Variants in ZNF808 observed in about 807,000 individuals in gnomAD.
ZNF808 encodes the protein zinc finger protein 808.
A neutral mutation model predicts 8.7 loss-of-function variants in ZNF808; 5 were observed. That is an observed-to-expected ratio of 0.58 (90% confidence interval 0.30 to 1.21). The LOEUF (loss-of-function observed/expected upper bound fraction) is 1.21, where lower values mean the gene tolerates loss of function less well. ZNF808 is among the 50% of genes most tolerant of loss of function. The probability of loss-of-function intolerance (pLI) is 0.07; values close to 1 mark genes in which losing one functional copy is unlikely to be tolerated. For synonymous variants in ZNF808, 380 were observed against 366.0 expected (o/e 1.04, Z -0.44); for missense variants, 1,103 against 1,098.4 (o/e 1.00, Z -0.06).
At chr19:52,558,186 C>T (rs546489838), downstream of ZNF808, among the ~76,000 whole-genome samples, 94 of 146,634 alleles carry the variant, frequency 6.4e-4, 1 homozygote, top group African/African-American at 2.3e-3. Context: ...CCTGGGTTCA[C>T]GCCATTCTCC....
rs115970221 is a variant in ZNF808, at chr19:52,539,853, T to G, written c.-19-3413T>G. Among the ~76,000 whole-genome samples, 1,045 of 151,660 alleles carry G rather than the reference T, an allele frequency of 6.9e-3. 10 individuals are homozygous for G. Among genetic ancestry groups the G allele is most frequent in the African/African-American group, 0.023 (939 of 41,344 alleles). ...CAGGTATGAGCCGCTGCGCCCGGCC[T>G]TTGTTATTGTTTTGAGACACTTTTA... On this transcript the variant is annotated intron_variant, in intron 2 of 4. Coordinates refer to ENST00000359798, the MANE Select transcript of ZNF808 (RefSeq NM_001039886.4).
chr19:52,547,474 C>T (rs1475595100), intron 3 of ZNF808, 38 bp from the exon 4 acceptor site: 1 of 1,612,454 alleles, frequency 6.2e-7, no homozygotes, highest in African/African-American at 1.3e-5. Context: ...TAACTCAATC[C>T]TCCATAATGT....
At chr19:52,547,419 C>A (rs1411870005) in intron 3 of ZNF808, 93 bp from the exon 4 acceptor site, 9 of 1,593,490 alleles carry the variant, frequency 5.6e-6, no homozygotes, top group Non-Finnish European at 7.7e-6. Context: ...AGTCTTTGAT[C>A]AAATAAATAC....
intron 2 of ZNF808, among the ~76,000 whole-genome samples, chr19:52,541,176 T>G (rs1187222300): frequency 2.6e-5 from 4 of 151,516 alleles, no homozygotes; most frequent in Non-Finnish European, 5.9e-5. Flanking sequence ...GATCTTGAAC[T>G]CCTGACTTTG....
Position 52,553,550 on chromosome 19 carries a change from C to T in ZNF808, c.634C>T (p.Pro212Ser), listed in dbSNP as rs1234263493. 8 of 1,614,104 alleles carry T rather than the reference C, an allele frequency of 5.0e-6. No homozygotes were observed. The highest frequency in any genetic ancestry group is 6.8e-6 in the Non-Finnish European group (8 of 1,180,024). ...TATTTCTAATAACTATGGGAATAAT[C>T]CCCTGAATTCTTCATTACTCCCACA... is the stretch of plus-strand genomic sequence containing the variant. ...IHISNNYGNN[P>S]LNSSLLPQKQ... Residue 212 changes from proline (P) to serine (S), a missense_variant, in exon 5 of 5, where the codon CCC becomes TCC. Coordinates refer to ENST00000359798, the MANE Select transcript of ZNF808 (RefSeq NM_001039886.4).
rs1341768551 is a variant in ZNF808, at chr19:52,554,866, TTACAAG to T, written c.1952_1957del (p.Tyr651_Lys652del). The T allele has an allele frequency of 6.2e-7, 1 of 1,614,180 alleles. No homozygotes were observed. Among genetic ancestry groups the T allele is most frequent in the Admixed American group, 1.7e-5 (1 of 60,026 alleles). ...CAAGAATTCACACTGGAGAAAAAAC[TTACAAG>T]TGTAATGAGTGTGGGAAGACCTTCA... On this transcript the variant is annotated inframe_deletion, in exon 5 of 5. Coordinates refer to ENST00000359798, the MANE Select transcript of ZNF808 (RefSeq NM_001039886.4).
rs569030330 is a variant in ZNF808 at position 52,550,060 on chromosome 19, G to A, written c.190+2422G>A. Among the ~76,000 whole-genome samples the A allele has an allele frequency of 3.3e-5, 5 of 152,238 alleles. No individual in the cohort carries two copies. The East Asian group carries it at 7.7e-4, about 24-fold the overall frequency. On this transcript the variant is annotated intron_variant, in intron 4 of 4. Transcript: ENST00000359798. ...GTATTTTCTGGTCTGGTCATTTTCT[G>A]TACTGCCTGTGCTGACTATTGTGCC...
At chr19:52,566,913 G>C (rs2059874247), downstream of ZNF808, among the ~76,000 whole-genome samples, 1 of 151,192 alleles carries the variant, frequency 6.6e-6, no homozygotes, top group Non-Finnish European at 1.5e-5. Context: ...GCTAATTACA[G>C]TCATGCTTTC....
At chr19:52,565,102 A>C (rs2059869869), downstream of ZNF808, among the ~76,000 whole-genome samples, 1 of 151,958 alleles carries the variant, frequency 6.6e-6, no homozygotes, top group African/African-American at 2.4e-5. Context: ...TAAATAAATA[A>C]ATAAATAAAA....
chr19:52,530,146 C>A (rs1415661383), intron 1 of ZNF808, among the ~76,000 whole-genome samples: 2 of 151,958 alleles, frequency 1.3e-5, no homozygotes, highest in Non-Finnish European at 2.9e-5. Context: ...CCACAACCTC[C>A]GCTCCCTGGC....
At chr19:52,547,130 T>G (rs536391346) in intron 3 of ZNF808, among the ~76,000 whole-genome samples, 87 of 151,974 alleles carry the variant, frequency 5.7e-4, no homozygotes, top group African/African-American at 2.1e-3. Context: ...ATATTTTTAG[T>G]AGAGACAGGT....
intron 4 of ZNF808, among the ~76,000 whole-genome samples, chr19:52,551,355 CCA>C (rs2059774547): frequency 6.8e-6 from 1 of 146,536 alleles, no homozygotes. Context: ...CCATTTGCCA[CCA>C]AAAAAAAAAA....
chr19:52,530,675 AG>A (rs2059554000), intron 1 of ZNF808, among the ~76,000 whole-genome samples: 2 of 150,906 alleles, frequency 1.3e-5, no homozygotes, highest in Admixed American at 6.6e-5. Context: ...AAAAAAAAAG[AG>A]AGAAAGAAAA....
chr19:52,536,416 G>T (rs2059612052), intron 2 of ZNF808, among the ~76,000 whole-genome samples: 1 of 152,132 alleles, frequency 6.6e-6, no homozygotes, highest in Admixed American at 6.5e-5. Flanking sequence ...GCGAAGCGCT[G>T]TGTCCCCAGT....
chr19:52,543,568 G>A (rs1192132261), intron 3 of ZNF808, among the ~76,000 whole-genome samples: 2 of 152,152 alleles, frequency 1.3e-5, no homozygotes, highest in East Asian at 3.9e-4. Flanking sequence ...CTTGGGAAGA[G>A]GCTCCACTGG....
rs2059814894 is a variant in ZNF808 at position 52,554,577 on chromosome 19, T to C, written c.1661T>C (p.Leu554Pro). 1.2e-6 allele frequency: 2 copies of C among 1,613,758 alleles called. No homozygotes were observed. Among genetic ancestry groups the C allele is most frequent in the Non-Finnish European group, 1.7e-6 (2 of 1,179,808 alleles). ...AAGGTTTTCATGCGTAATTCAGTCCTGGCTGTACATACTAGAATTCACACT... is the reference window on the plus strand; with the variant it reads ...AAGGTTTTCATGCGTAATTCAGTCCCGGCTGTACATACTAGAATTCACACT... Reference protein sequence around the residue: ...CNKVFMRNSVLAVHTRIHTAK... With the variant: ...CNKVFMRNSVPAVHTRIHTAK... Residue 554 changes from leucine to proline, a missense_variant, in exon 5 of 5, where the codon CTG becomes CCG. Leu to Pro is a moderately conservative substitution (Grantham distance 98). Coordinates refer to ENST00000359798, the MANE Select transcript of ZNF808 (RefSeq NM_001039886.4).
chr19:52,568,573 C>CT (rs1338169965), downstream of ZNF808, among the ~76,000 whole-genome samples: 1 of 152,156 alleles, frequency 6.6e-6, no homozygotes, highest in African/African-American at 2.4e-5. Context: ...CTGCCGCAGC[C>CT]TATGCACTGG....
chr19:52,546,912 G>A (rs941987980), intron 3 of ZNF808, among the ~76,000 whole-genome samples: 2 of 148,122 alleles, frequency 1.4e-5, no homozygotes, highest in Admixed American at 6.7e-5. Context: ...AAAATGCTAG[G>A]ATTACAGGCG....
At chr19:52,565,878 A>G (rs2059871953), downstream of ZNF808, among the ~76,000 whole-genome samples, 1 of 152,162 alleles carries the variant, frequency 6.6e-6, no homozygotes, top group Admixed American at 6.5e-5. Context: ...CAGCCTGAAC[A>G]TCTTGGGCAC....
Sources: allele counts gnomAD v4.1 joint callset (sites outside exome capture counted in the v4.1 genomes callset), GRCh38; gene constraint gnomAD v4.1.1; transcripts MANE v1.5; gene names NCBI Gene and HGNC (gene_info 2026-07-23, HGNC 2026-07-21).